PAPPA: variants seen among roughly 807,000 people sequenced by gnomAD.
PAPPA encodes the protein pappalysin 1.
PAPPA carries 60 observed loss-of-function variants against 164.0 expected under a neutral mutation model. The ratio of observed to expected loss-of-function variants is 0.37; its 90% CI spans 0.30 to 0.45. PAPPA has a LOEUF of 0.45. Ranked by LOEUF, PAPPA falls within the 20% of genes least tolerant of loss-of-function variation. The probability of loss-of-function intolerance (pLI) is 1.00; values close to 1 mark genes in which losing one functional copy is unlikely to be tolerated. For missense variants in PAPPA, 1,782 were observed against 2,087.3 expected (o/e 0.85, Z 2.85); for synonymous variants, 875 against 814.1 (o/e 1.07, Z -1.27).
At chr9:116,322,305 G>C (rs187714052) in intron 10 of PAPPA, among the ~76,000 whole-genome samples, 248 of 152,008 alleles carry the variant, frequency 1.6e-3, no homozygotes, top group Middle Eastern at 3.4e-3. Context: ...AGCTACTCGG[G>C]GGGTGGAGGC....
At position 116,399,732 on chromosome 9, in the gene PAPPA, T is replaced by C. The variant is rs368263832; in HGVS notation, c.*3116T>C. The C allele has an allele frequency of 6.6e-6, 1 of 152,576 alleles. No individual in the cohort carries two copies. 9.5% of individuals were successfully genotyped at this position (152,576 alleles called of 1,614,324 possible). On this transcript the variant is annotated 3_prime_UTR_variant, in exon 22 of 22. Transcript: ENST00000328252. Reference sequence around the variant, plus strand: ...CTGTGCCAACAACCTTTTAAGGAAATACAGTCCTTGGGAAATGAGTTTTGA... The same window carrying C: ...CTGTGCCAACAACCTTTTAAGGAAACACAGTCCTTGGGAAATGAGTTTTGA...
At chr9:116,255,070 T>C (rs1564200378) in intron 7 of PAPPA, among the ~76,000 whole-genome samples, 1 of 151,810 alleles carries the variant, frequency 6.6e-6, no homozygotes, top group Non-Finnish European at 1.5e-5. Flanking sequence ...ATTTAAAAAA[T>C]ATATAATATA....
At chr9:116,166,729 A>T (rs1843723681) in intron 1 of PAPPA, among the ~76,000 whole-genome samples, 1 of 152,040 alleles carries the variant, frequency 6.6e-6, no homozygotes, top group African/African-American at 2.4e-5. Flanking sequence ...AAGTTGCATG[A>T]CTCCCTGAAG....
chr9:116,295,321 C>T (rs554351509), intron 9 of PAPPA, among the ~76,000 whole-genome samples: 3 of 151,774 alleles, frequency 2.0e-5, no homozygotes, highest in Admixed American at 6.6e-5. Context: ...GGAGGCTGAA[C>T]GGGGGGTGGA....
chr9:116,359,748 G>T (rs947230438), intron 17 of PAPPA, among the ~76,000 whole-genome samples: 2 of 152,186 alleles, frequency 1.3e-5, no homozygotes, highest in African/African-American at 2.4e-5. Context: ...AGCAAGAAAA[G>T]TTTGCAGGAG....
intron 10 of PAPPA, among the ~76,000 whole-genome samples, chr9:116,324,622 G>A (rs1249556083): frequency 2.0e-5 from 3 of 152,230 alleles, no homozygotes; most frequent in East Asian, 3.9e-4. Flanking sequence ...GGAACTATAC[G>A]GACACATAAG....
At chr9:116,385,895 CACACA>C (rs1846804713) in intron 21 of PAPPA, among the ~76,000 whole-genome samples, 2 of 152,290 alleles carry the variant, frequency 1.3e-5, no homozygotes, top group East Asian at 1.9e-4. Flanking sequence ...AGCAGGGAGC[CACACA>C]ACTATTGCAT....
intron 7 of PAPPA, among the ~76,000 whole-genome samples, chr9:116,238,133 T>C (rs1844693292): frequency 6.6e-6 from 1 of 152,186 alleles, no homozygotes; most frequent in Non-Finnish European, 1.5e-5. Flanking sequence ...TGGTTAAGAA[T>C]AAGGCCTGAC....
chr9:116,276,477 A>G (rs1340377847), intron 9 of PAPPA, among the ~76,000 whole-genome samples: 1 of 151,752 alleles, frequency 6.6e-6, no homozygotes, highest in Admixed American at 6.6e-5. Context: ...GCAGCTTAGC[A>G]CCTCAGAGCC....
intron 7 of PAPPA, among the ~76,000 whole-genome samples, chr9:116,261,583 C>A (rs764125058): frequency 6.6e-6 from 1 of 152,090 alleles, no homozygotes; most frequent in Non-Finnish European, 1.5e-5. Flanking sequence ...AACTACATAC[C>A]AATAAACTTT....
In PAPPA at chr9:116,399,005, C is replaced by T. The variant is rs956443535; in HGVS notation, c.*2389C>T. ...AGAAATGTAACAGTATCAACCCTCC[C>T]AGTTGCTTAATTATACCCATAGGTA... On this transcript the variant is annotated 3_prime_UTR_variant, in exon 22 of 22. Transcript: ENST00000328252. 1 of 225,580 alleles carries T rather than the reference C, an allele frequency of 4.4e-6. No individual in the cohort carries two copies. The highest frequency in any genetic ancestry group is 2.3e-5 in the African/African-American group (1 of 42,808). The allele number at this position is 225,580 out of a possible 1,614,324, so 14.0% of individuals were successfully genotyped here.
intron 19 of PAPPA, among the ~76,000 whole-genome samples, chr9:116,370,435 T>C (rs1444585921): frequency 1.3e-5 from 2 of 152,216 alleles, no homozygotes; most frequent in Non-Finnish European, 2.9e-5. Context: ...CTGCAGCCTC[T>C]ATGAAATGTA....
intron 17 of PAPPA, 51 bp downstream of exon 17, chr9:116,353,844 T>A (rs1846317097): frequency 6.8e-7 from 1 of 1,470,560 alleles, no homozygotes; most frequent in African/African-American, 1.4e-5. Context: ...TCCTTTCTGC[T>A]TACCAAAAAC....
At chr9:116,215,443 G>C (rs1033978919) in intron 4 of PAPPA, among the ~76,000 whole-genome samples, 2 of 152,148 alleles carry the variant, frequency 1.3e-5, no homozygotes, top group Non-Finnish European at 2.9e-5. Flanking sequence ...CTTTTTCAGG[G>C]ACATGGTTGG....
intron 9 of PAPPA, among the ~76,000 whole-genome samples, chr9:116,285,323 C>G (rs1301894677): frequency 6.6e-6 from 1 of 151,890 alleles, no homozygotes; most frequent in Non-Finnish European, 1.5e-5. Flanking sequence ...GCACATACCA[C>G]CACACCCAGC....
chr9:116,217,086 G>T (rs1426280927), intron 4 of PAPPA, among the ~76,000 whole-genome samples: 1 of 152,020 alleles, frequency 6.6e-6, no homozygotes, highest in Non-Finnish European at 1.5e-5. Context: ...TCCCTACTAG[G>T]TTCCATCACC....
intron 21 of PAPPA, among the ~76,000 whole-genome samples, chr9:116,389,107 T>C (rs928086594): frequency 4.6e-5 from 7 of 151,408 alleles, no homozygotes; most frequent in Admixed American, 1.3e-4. Flanking sequence ...TGTCTCTTCT[T>C]GACCTAGCAG....
chr9:116,162,422 T>C (rs1317515012), intron 1 of PAPPA, among the ~76,000 whole-genome samples: 1 of 152,120 alleles, frequency 6.6e-6, no homozygotes, highest in Non-Finnish European at 1.5e-5. Context: ...GGAGAGCAAT[T>C]CTAGAGCCTT....
intron 19 of PAPPA, among the ~76,000 whole-genome samples, chr9:116,371,615 T>A (rs1006069281): frequency 6.6e-6 from 1 of 151,888 alleles, no homozygotes; most frequent in African/African-American, 2.4e-5. Context: ...TTATTTTTAT[T>A]TTTTTTTAGT....
Sources: gnomAD v4.1 joint callset for allele counts (sites outside exome capture counted in the v4.1 genomes callset) on GRCh38, gnomAD v4.1.1 for gene constraint, MANE v1.5 for transcripts, NCBI Gene and HGNC (gene_info 2026-07-23, HGNC 2026-07-21) for gene names.